Variants in MGAT5 observed in about 807,000 individuals in gnomAD.
The protein encoded by MGAT5 is alpha-1,6-mannosylglycoprotein 6-beta-N-acetylglucosaminyltransferase A.
MGAT5 carries 30 observed loss-of-function variants against 94.3 expected under a neutral mutation model. That is an observed-to-expected ratio of 0.32 (90% CI 0.24 to 0.43). The LOEUF (loss-of-function observed/expected upper bound fraction) is 0.43. Among genes scored for constraint, MGAT5 ranks in the 20% least tolerant of loss-of-function variants. The probability of loss-of-function intolerance (pLI) is 1.00; values close to 1 mark genes in which losing one functional copy is unlikely to be tolerated. For missense variants in MGAT5, 691 were observed against 905.5 expected (o/e 0.76, Z 3.04); for synonymous variants, 310 against 322.9 (o/e 0.96, Z 0.43).
chr2:134,451,388 C>T lies in MGAT5; in HGVS notation c.*2541C>T, dbSNP rs922531624. 6.6e-6 allele frequency: 1 copy of T among 152,284 alleles called. No individual in the cohort carries two copies. Among genetic ancestry groups the T allele is most frequent in the African/African-American group, 2.4e-5 (1 of 41,458 alleles). 9.4% of individuals were successfully genotyped at this position (152,284 alleles called of 1,614,324 possible). A position where few individuals can be genotyped will look rare whatever the true frequency, so the allele number is the denominator to read the frequency against. ...TGCTCTTGGAGCAAACAAGCCCACACTCCAGTTGTTTAGGGCATTATCTGA... is the reference window on the plus strand; with the variant it reads ...TGCTCTTGGAGCAAACAAGCCCACATTCCAGTTGTTTAGGGCATTATCTGA... On this transcript the variant is annotated 3_prime_UTR_variant, in exon 16 of 16. Transcript: ENST00000281923.
intron 2 of MGAT5, among the ~76,000 whole-genome samples, chr2:134,313,041 C>A (rs1240244286): frequency 2.9e-4 from 1 of 3,482 alleles, no homozygotes; most frequent in Non-Finnish European, 4.8e-3. Context: ...GAAATAAACA[C>A]ACACACACAC....
rs908600618 is a variant in MGAT5, at chr2:134,449,593, C to T, written c.*746C>T. On this transcript the variant is annotated 3_prime_UTR_variant, in exon 16 of 16. Transcript: ENST00000281923. The stretch of plus-strand genomic sequence containing the variant: ...GCCAGGGACGAAAAAGGAGATGAGG[C>T]CCCTTTCCTCCATGTCCCCATGCCC... The T allele has an allele frequency of 5.9e-5, 9 of 152,302 alleles. No individual in the cohort carries two copies. In the East Asian group the frequency reaches 1.7e-3, roughly 29 times the overall value. The allele number at this position is 152,302 out of a possible 1,614,324, so 9.4% of individuals were successfully genotyped here.
At chr2:134,258,404 G>A (rs771290748) in intron 1 of MGAT5, among the ~76,000 whole-genome samples, 6 of 152,194 alleles carry the variant, frequency 3.9e-5, no homozygotes, top group Admixed American at 1.3e-4. Context: ...CATGGCCTAC[G>A]GGCCAAGTCT....
At chr2:134,180,276 T>G (rs1688673386) in intron 1 of MGAT5, among the ~76,000 whole-genome samples, 1 of 152,246 alleles carries the variant, frequency 6.6e-6, no homozygotes, top group African/African-American at 2.4e-5. Flanking sequence ...TCTGAATTCC[T>G]TCTTGTGGGA....
At chr2:134,253,241 C>T (rs1438034468), upstream of MGAT5, 4 of 152,142 alleles carry the variant, frequency 2.6e-5, no homozygotes, top group African/African-American at 9.7e-5. Flanking sequence ...TGAAGTACAG[C>T]CTGGGTTAGT....
chr2:134,397,102 C>T (rs1473253049), intron 10 of MGAT5, among the ~76,000 whole-genome samples: 1 of 152,178 alleles, frequency 6.6e-6, no homozygotes, highest in Non-Finnish European at 1.5e-5. Flanking sequence ...AGCTGGAGAG[C>T]TTGCAGAAGC....
intron 1 of MGAT5, among the ~76,000 whole-genome samples, chr2:134,194,442 C>T (rs920685167): frequency 6.6e-6 from 1 of 152,118 alleles, no homozygotes; most frequent in South Asian, 2.1e-4. Flanking sequence ...ATTCTTACTA[C>T]AACCTTGGAC....
intron 7 of MGAT5, among the ~76,000 whole-genome samples, chr2:134,343,663 A>G (rs147649526): frequency 6.6e-6 from 1 of 152,184 alleles, no homozygotes; most frequent in African/African-American, 2.4e-5. Flanking sequence ...GTATTTTGTG[A>G]TGCCTCCAGG....
In MGAT5 at chr2:134,413,598, T is replaced by C. The variant is rs573958076; in HGVS notation, c.1677+583T>C. 3.3e-5 allele frequency among the ~76,000 whole-genome samples: 5 copies of C among 152,356 alleles called. No individual in the cohort carries two copies. In the South Asian group the frequency reaches 1.0e-3, roughly 32 times the overall value. ...GTGATGAATCACCATTGAGGGTAGT[T>C]GGATTTGATTTAGGGCAATAAACAA... On this transcript the variant is annotated intron_variant, in intron 12 of 15. Coordinates refer to ENST00000281923, the MANE Select transcript of MGAT5 (RefSeq NM_002410.5).
chr2:134,319,837 C>A, intron 4 of MGAT5: 2 of 301,850 alleles, frequency 6.6e-6, no homozygotes, highest in South Asian at 2.7e-5. Flanking sequence ...AGCAGTCATC[C>A]CAGTTGTCAT....
intron 6 of MGAT5, 47 bp from the exon 7 acceptor site, chr2:134,341,543 T>C: frequency 6.7e-7 from 1 of 1,483,484 alleles, no homozygotes. Flanking sequence ...ACTGTGCCTT[T>C]TGTATGTGGT....
intron 2 of MGAT5, among the ~76,000 whole-genome samples, chr2:134,313,119 T>C (rs919506680): frequency 4.8e-4 from 72 of 151,530 alleles, no homozygotes; most frequent in African/African-American, 1.7e-3. Context: ...TATTTCTTTG[T>C]CCCTTTCGCT....
chr2:134,431,265 G>A (rs1684860642), intron 14 of MGAT5, among the ~76,000 whole-genome samples: 5 of 152,196 alleles, frequency 3.3e-5, no homozygotes, highest in Admixed American at 2.0e-4. Flanking sequence ...CGCAGGCTAA[G>A]GGGCAGTGGA....
chr2:134,189,680 C>A (rs868440271), intron 1 of MGAT5, among the ~76,000 whole-genome samples: 1 of 143,588 alleles, frequency 7.0e-6, no homozygotes, highest in South Asian at 2.3e-4. Flanking sequence ...TGGCTCACTG[C>A]AACCTCTGCC....
chr2:134,320,323 C>A (rs1288752020), intron 4 of MGAT5, among the ~76,000 whole-genome samples: 2 of 152,012 alleles, frequency 1.3e-5, no homozygotes, highest in African/African-American at 4.8e-5. Flanking sequence ...TTCCCTAAAT[C>A]TGAGCATCAT....
chr2:134,355,928 T>G (rs1362488442), intron 9 of MGAT5, among the ~76,000 whole-genome samples: 1 of 152,230 alleles, frequency 6.6e-6, no homozygotes, highest in Non-Finnish European at 1.5e-5. Context: ...TTTTATATCC[T>G]ACAAAAATTT....
chr2:134,369,981 T>C (rs911442756), intron 10 of MGAT5, among the ~76,000 whole-genome samples: 2 of 152,192 alleles, frequency 1.3e-5, no homozygotes, highest in African/African-American at 4.8e-5. Flanking sequence ...GGCTTTTGGC[T>C]TTCCAGTAAG....
intron 1 of MGAT5, among the ~76,000 whole-genome samples, chr2:134,193,334 C>A (rs1293592348): frequency 6.6e-6 from 1 of 152,094 alleles, no homozygotes; most frequent in Non-Finnish European, 1.5e-5. Flanking sequence ...ATGGGCTCAT[C>A]TTAAACTCTT....
At chr2:134,349,594 T>A (rs1241807351) in intron 8 of MGAT5, among the ~76,000 whole-genome samples, 2 of 152,220 alleles carry the variant, frequency 1.3e-5, no homozygotes, top group African/African-American at 4.8e-5. Context: ...AAGCAAATCG[T>A]ATCTGCTGTG....
Sources: allele counts gnomAD v4.1 joint callset (sites outside exome capture counted in the v4.1 genomes callset), GRCh38; gene constraint gnomAD v4.1.1; transcripts MANE v1.5; gene names NCBI Gene and HGNC (gene_info 2026-07-23, HGNC 2026-07-21).